Variants in WBP2NL observed in about 807,000 individuals in gnomAD.
WBP2NL encodes the protein postacrosomal sheath WW domain-binding protein.
A neutral mutation model predicts 23.3 loss-of-function variants in WBP2NL; 27 were observed. That is an observed-to-expected ratio of 1.16 (90% CI 0.85 to 1.60). The LOEUF (loss-of-function observed/expected upper bound fraction) is 1.60, where lower values mean the gene tolerates loss of function less well. Among genes scored for constraint, WBP2NL ranks in the 40% most tolerant of loss-of-function variants. The pLI, the probability that WBP2NL is intolerant of heterozygous loss-of-function variation, is 0.00. For synonymous variants in WBP2NL, 151 were observed against 145.9 expected (o/e 1.03, Z -0.25); for missense variants, 370 against 389.5 (o/e 0.95, Z 0.42).
At chr22:42,033,762 C>T (rs1466193374), downstream of WBP2NL, among the ~76,000 whole-genome samples, 1 of 152,198 alleles carries the variant, frequency 6.6e-6, no homozygotes, top group Non-Finnish European at 1.5e-5. Context: ...GGTAGCTCCT[C>T]TCTGCAGCTG....
downstream of WBP2NL, among the ~76,000 whole-genome samples, chr22:42,035,979 A>G (rs1925166312): frequency 6.6e-6 from 1 of 152,164 alleles, no homozygotes; most frequent in African/African-American, 2.4e-5. Flanking sequence ...TTTGTTACAA[A>G]TGGCAGGATT....
chr22:42,031,044 C>G (rs1267963248), downstream of WBP2NL: 3 of 152,224 alleles, frequency 2.0e-5, no homozygotes, highest in African/African-American at 7.2e-5. Flanking sequence ...AGGTGGAATT[C>G]CACCATGTTC....
intron 1 of WBP2NL, chr22:42,001,373 C>G (rs796630825): frequency 1.5e-6 from 1 of 648,144 alleles, no homozygotes; most frequent in Non-Finnish European, 2.8e-6. Context: ...ATTCCCTTTG[C>G]AGTGTCATAG....
intron 1 of WBP2NL, among the ~76,000 whole-genome samples, chr22:42,012,731 G>A (rs552826985): frequency 1.2e-3 from 179 of 152,126 alleles, no homozygotes; most frequent in African/African-American, 4.2e-3. Flanking sequence ...GGTGGCTCTC[G>A]CCTGTAATCA....
chr22:42,029,294 GAA>G (rs953340569), downstream of WBP2NL, among the ~76,000 whole-genome samples: 122 of 81,980 alleles, frequency 1.5e-3, no homozygotes, highest in Middle Eastern at 0.014. Flanking sequence ...CTGTGTCTAG[GAA>G]AAAAAAAAAA....
rs528037221 is a variant in WBP2NL at position 42,039,157 on chromosome 22, C to T, written c.*273+8334C>T. Among the ~76,000 whole-genome samples the T allele has an allele frequency of 2.6e-5, 4 of 151,786 alleles. No homozygotes were observed. In the South Asian group the frequency reaches 6.2e-4, roughly 24 times the overall value. On this transcript the variant is annotated intron_variant and NMD_transcript_variant, in intron 8 of 8. Coordinates refer to the WBP2NL transcript ENST00000436265. ...CACTGTGTCGGCTCACTGCAATTTC[C>T]GTCTCCTGGGTTCAAGCAATTCTCT...
In WBP2NL at chr22:42,026,928, C is replaced by T. The variant is rs769996389; in HGVS notation, c.677C>T (p.Ala226Val). The T allele has an allele frequency of 3.7e-6, 6 of 1,613,430 alleles. No homozygotes were observed. The East Asian group carries it at 1.1e-4, about 30-fold the overall frequency. ...RYGAPPLGYGAPPAGYGAPPL... is the reference protein window; with the variant it reads ...RYGAPPLGYGVPPAGYGAPPL... ...GGAGCCCCACCTCTTGGATACGGAG[C>T]CCCACCTGCAGGATATGGAGCCCCA... Residue 226 changes from alanine (A) to valine (V), a missense_variant, in exon 6 of 6, where the codon GCC becomes GTC. Coordinates refer to ENST00000328823, the MANE Select transcript of WBP2NL (RefSeq NM_152613.3).
intron 8 of WBP2NL, among the ~76,000 whole-genome samples, chr22:42,043,341 C>CAG (rs1225783905): frequency 6.6e-6 from 1 of 152,182 alleles, no homozygotes; most frequent in African/African-American, 2.4e-5. Context: ...CCAGGTGCAG[C>CAG]AGCAAGGGAC....
chr22:42,029,875 C>T (rs1240613407), downstream of WBP2NL: 2 of 152,184 alleles, frequency 1.3e-5, no homozygotes, highest in Non-Finnish European at 2.9e-5. Flanking sequence ...GTTATTACAA[C>T]TTCATGATTA....
intron 1 of WBP2NL, among the ~76,000 whole-genome samples, chr22:42,013,483 A>G (rs751462557): frequency 6.6e-6 from 1 of 152,068 alleles, no homozygotes; most frequent in Non-Finnish European, 1.5e-5. Context: ...TAATTTCAAG[A>G]TTCCTTGTAT....
rs375733252 is a variant in WBP2NL, at chr22:42,020,585, C to T, written c.406+489C>T. Among the ~76,000 whole-genome samples the T allele has an allele frequency of 2.6e-5, 4 of 151,992 alleles. No homozygotes were observed. In the South Asian group the frequency reaches 8.3e-4, roughly 31 times the overall value. ...CCAGACACCCAGGTGACTAATTATACCTGATAGTCTTTTGTCCATTTAAAC... is the reference window on the plus strand; with the variant it reads ...CCAGACACCCAGGTGACTAATTATATCTGATAGTCTTTTGTCCATTTAAAC... On this transcript the variant is annotated intron_variant, in intron 4 of 5. Coordinates refer to ENST00000328823, the MANE Select transcript of WBP2NL (RefSeq NM_152613.3).
intron 8 of WBP2NL, among the ~76,000 whole-genome samples, chr22:42,053,813 A>G (rs1925927623): frequency 3.3e-5 from 5 of 152,122 alleles, no homozygotes; most frequent in Admixed American, 3.3e-4. Context: ...CTTTGGAGAT[A>G]TGTCTATTCA....
At chr22:42,036,674 G>A (rs116083601), downstream of WBP2NL, among the ~76,000 whole-genome samples, 1,710 of 152,252 alleles carry the variant, frequency 0.011, 32 homozygotes, top group African/African-American at 0.039. Context: ...TTTACCTGAT[G>A]ATTACAAATG....
At chr22:42,003,560 G>A (rs991566881) in intron 1 of WBP2NL, 2 of 151,816 alleles carry the variant, frequency 1.3e-5, no homozygotes, top group African/African-American at 2.4e-5. Context: ...AGAAAAATCC[G>A]AATAAAGCAA....
downstream of WBP2NL, among the ~76,000 whole-genome samples, chr22:42,029,127 G>T (rs561360381): frequency 6.6e-6 from 1 of 152,008 alleles, no homozygotes; most frequent in South Asian, 2.1e-4. Context: ...CTTATTGTAG[G>T]CTCATCAAGC....
At chr22:41,999,573 A>C (rs1393445984) in intron 1 of WBP2NL, among the ~76,000 whole-genome samples, 1 of 152,186 alleles carries the variant, frequency 6.6e-6, no homozygotes, top group African/African-American at 2.4e-5. Flanking sequence ...GTTTGAGACA[A>C]GACTGGGCAA....
chr22:42,019,683 T>A lies in WBP2NL; in HGVS notation c.193T>A (p.Ser65Thr). Residue 65 changes from serine (S) to threonine (T), a missense_variant, in exon 3 of 6, where the codon TCC (serine) becomes ACC (threonine). Transcript: ENST00000328823. Reference sequence around the variant, plus strand: ...GTAGGTGATTTTCATAACTTCATGCTCCATCAGTGATCCCATGTTGTCTTT... The same window carrying A: ...GTAGGTGATTTTCATAACTTCATGCACCATCAGTGATCCCATGTTGTCTTT... ...SYRVIFITSCSISDPMLSFMM... is the reference protein window; with the variant it reads ...SYRVIFITSCTISDPMLSFMM... 6.2e-7 allele frequency: 1 copy of A among 1,614,148 alleles called. No homozygotes were observed. Among genetic ancestry groups the A allele is most frequent in the South Asian group, 1.1e-5 (1 of 91,076 alleles).
chr22:42,056,118 C>G (rs1173587354), intron 8 of WBP2NL, among the ~76,000 whole-genome samples: 2 of 152,040 alleles, frequency 1.3e-5, no homozygotes, highest in African/African-American at 4.8e-5. Flanking sequence ...TCCATTACTG[C>G]CTTTTTTGTG....
At chr22:42,014,152 C>T (rs1011478541) in intron 1 of WBP2NL, among the ~76,000 whole-genome samples, 2 of 151,724 alleles carry the variant, frequency 1.3e-5, no homozygotes, top group Non-Finnish European at 2.9e-5. Context: ...AACTCCTGAG[C>T]TCAAGCAGTC....
Sources: allele counts gnomAD v4.1 joint callset (sites outside exome capture counted in the v4.1 genomes callset), GRCh38; gene constraint gnomAD v4.1.1; transcripts MANE v1.5; gene names NCBI Gene and HGNC (gene_info 2026-07-23, HGNC 2026-07-21).